The following ZFYVE28 variants were observed in gnomAD, a reference collection of about 807,000 sequenced individuals.
ZFYVE28 encodes the protein lateral signaling target protein 2 homolog.
A neutral mutation model predicts 82.1 loss-of-function variants in ZFYVE28; 40 were observed. The observed-to-expected ratio is 0.49, with a 90% CI of 0.38 to 0.63. The LOEUF is 0.63. Ranked by LOEUF, ZFYVE28 falls within the 30% of genes least tolerant of loss-of-function variation. The pLI, the probability that ZFYVE28 is intolerant of heterozygous loss-of-function variation, is 0.00. For synonymous variants in ZFYVE28, 612 were observed against 546.1 expected (o/e 1.12, Z -1.68); for missense variants, 1,321 against 1,242.1 (o/e 1.06, Z -0.96).
intron 1 of ZFYVE28, among the ~76,000 whole-genome samples, chr4:2,406,062 A>AAAAAAAG (rs1553867781): frequency 8.0e-6 from 1 of 125,072 alleles, no homozygotes; most frequent in Non-Finnish European, 1.6e-5. Context: ...AAAAAAAAAA[A>AAAAAAAG]AAAGAAAGAA....
At chr4:2,364,348 G>C in intron 1 of ZFYVE28, 1 of 709,884 alleles carries the variant, frequency 1.4e-6, no homozygotes, top group Non-Finnish European at 1.7e-6. Context: ...GGAACCACAG[G>C]TGTTGTGGGG....
At chr4:2,330,008 G>C (rs891568314) in intron 6 of ZFYVE28, among the ~76,000 whole-genome samples, 2 of 152,148 alleles carry the variant, frequency 1.3e-5, no homozygotes, top group Non-Finnish European at 2.9e-5. Context: ...TAGTCTAGTG[G>C]GGGAGACACA....
Position 2,335,888 on chromosome 4 carries a change from T to A in ZFYVE28, c.612-94A>T. ...AGGGACAGGCAGTGCGCTCAATCTG[T>A]ACCTGCAGCCACGCGTGGTGGCCAC... On this transcript the variant is annotated intron_variant, in intron 5 of 12. Coordinates refer to ENST00000290974, the MANE Select transcript of ZFYVE28 (RefSeq NM_020972.3). The surrounding 1 kb of genome is among the most constrained non-coding windows in gnomAD (Gnocchi z 5.8). 9.6e-7 allele frequency: 1 copy of A among 1,040,528 alleles called. No homozygotes were observed. Among genetic ancestry groups the A allele is most frequent in the Non-Finnish European group, 1.4e-6 (1 of 692,084 alleles). The allele number at this position is 1,040,528 out of a possible 1,614,324, so 64.5% of individuals were successfully genotyped here.
intron 9 of ZFYVE28, 111 bp from the exon 10 acceptor site, chr4:2,273,400 G>T: frequency 1.1e-6 from 1 of 909,538 alleles, no homozygotes; most frequent in Non-Finnish European, 1.7e-6. Flanking sequence ...CCAGGCCAGC[G>T]TGTTCTCAGA....
chr4:2,271,724 G>A lies in ZFYVE28; in HGVS notation c.2379C>T (p.Thr793=), dbSNP rs1363745456. The change falls in exon 11 of 13, where the codon ACC becomes ACT. Residue 793 remains threonine, a synonymous_variant. Transcript: ENST00000290974. ...TGGCTGCCAGTTCAGAGGATGACAG[G>A]GTCTCCTGGCACAGTGCACAGTCCT... is the stretch of plus-strand genomic sequence containing the variant. ...ALEDCALCQE[T]LSSSELAAKT... 1.9e-6 allele frequency: 3 copies of A among 1,613,818 alleles called. No individual in the cohort carries two copies. Among genetic ancestry groups the A allele is most frequent in the Non-Finnish European group, 2.5e-6 (3 of 1,180,012 alleles).
rs1429286213 is a variant in ZFYVE28, at chr4:2,413,827, T to C, written c.39+4458A>G. ...CGCAAAGCAGGGAAGTCAAGGCACA[T>C]GCCAGTGACTGCCCTCTCATAGGCC... On this transcript the variant is annotated intron_variant, in intron 1 of 12. Transcript: ENST00000290974. Among the ~76,000 whole-genome samples the C allele has an allele frequency of 2.6e-5, 4 of 152,074 alleles. No homozygotes were observed. The East Asian group carries it at 7.7e-4, about 29-fold the overall frequency.
At chr4:2,336,253 G>C (rs1288694220) in intron 5 of ZFYVE28, among the ~76,000 whole-genome samples, 1 of 152,224 alleles carries the variant, frequency 6.6e-6, no homozygotes, top group Non-Finnish European at 1.5e-5. Flanking sequence ...CCCGGGGCTT[G>C]TGGAGGGCTT....
chr4:2,395,741 C>T (rs545843047), intron 1 of ZFYVE28, among the ~76,000 whole-genome samples: 11 of 152,218 alleles, frequency 7.2e-5, no homozygotes, highest in East Asian at 5.8e-4. Context: ...GGACCCAACA[C>T]GCCAGGGACA....
rs1176444008 is a variant in ZFYVE28 at position 2,416,290 on chromosome 4, T to A, written c.39+1995A>T. Among the ~76,000 whole-genome samples the A allele has an allele frequency of 6.6e-6, 1 of 152,206 alleles. No individual in the cohort carries two copies. The highest frequency in any genetic ancestry group is 2.4e-5 in the African/African-American group (1 of 41,448). The stretch of plus-strand genomic sequence containing the variant: ...ACTCAGCTACTCATGAAACAGAGTC[T>A]ACAATTATTTTTCCTTCCTTTTCAA... On this transcript the variant is annotated intron_variant, in intron 1 of 12. Transcript: ENST00000290974. This position sits in a 1 kb window ranked among gnomAD's most constrained non-coding sequence, Gnocchi z 4.6.
chr4:2,417,193 G>A lies in ZFYVE28; in HGVS notation c.39+1092C>T, dbSNP rs900749139. On this transcript the variant is annotated intron_variant, in intron 1 of 12. Coordinates refer to ENST00000290974, the MANE Select transcript of ZFYVE28 (RefSeq NM_020972.3). This position sits in a 1 kb window ranked among gnomAD's most constrained non-coding sequence, Gnocchi z 4.8. ...GGCCCCACTCCCGCCCTTGGTCGCC[G>A]CGGTGACCCCACCCGAGCCGTGACC... 6.6e-6 allele frequency among the ~76,000 whole-genome samples: 1 copy of A among 152,106 alleles called. No homozygotes were observed. The highest frequency in any genetic ancestry group is 1.5e-5 in the Non-Finnish European group (1 of 67,968).
chr4:2,394,161 G>A lies in ZFYVE28; in HGVS notation c.39+24124C>T, dbSNP rs1404040685. 6.6e-6 allele frequency among the ~76,000 whole-genome samples: 1 copy of A among 152,166 alleles called. No homozygotes were observed. The highest frequency in any genetic ancestry group is 1.5e-5 in the Non-Finnish European group (1 of 68,022). On this transcript the variant is annotated intron_variant, in intron 1 of 12. Transcript: ENST00000290974. The surrounding 1 kb of genome is among the most constrained non-coding windows in gnomAD (Gnocchi z 4.0). ...CCCTTCTCCACTACTGAGGACTCCT[G>A]TGGTTCCACTGGGGCCACCGACATA...
intron 1 of ZFYVE28, among the ~76,000 whole-genome samples, chr4:2,411,593 C>T (rs181495523): frequency 5.3e-5 from 8 of 152,324 alleles, no homozygotes; most frequent in East Asian, 1.9e-4. Flanking sequence ...CTTTGCCTGA[C>T]GCATACGGGT....
chr4:2,373,691 C>T (rs750750781), intron 1 of ZFYVE28, among the ~76,000 whole-genome samples: 8 of 152,110 alleles, frequency 5.3e-5, no homozygotes, highest in Admixed American at 1.3e-4. Flanking sequence ...AACATGCACT[C>T]GTATGCCCTG....
intron 8 of ZFYVE28, among the ~76,000 whole-genome samples, chr4:2,282,114 TCAA>T (rs1258175904): frequency 1.3e-5 from 2 of 152,214 alleles, no homozygotes; most frequent in Non-Finnish European, 2.9e-5. Context: ...AGTCAGTGGA[TCAA>T]CGTCACTTCA....
At chr4:2,309,548 T>C (rs1717185115) in intron 7 of ZFYVE28, among the ~76,000 whole-genome samples, 2 of 152,238 alleles carry the variant, frequency 1.3e-5, no homozygotes, top group South Asian at 4.1e-4. Context: ...GCTCCTGAGT[T>C]TCCTAGGTAC....
intron 8 of ZFYVE28, chr4:2,286,938 C>T (rs777644473): frequency 5.3e-5 from 8 of 152,198 alleles, no homozygotes; most frequent in Admixed American, 2.6e-4. Flanking sequence ...CCATCCTGGA[C>T]TATCTGGATG....
intron 1 of ZFYVE28, among the ~76,000 whole-genome samples, chr4:2,391,131 C>T (rs571599075): frequency 2.0e-5 from 3 of 152,366 alleles, no homozygotes; most frequent in Admixed American, 6.5e-5. Context: ...CCGTGCCCGC[C>T]GCAGCCCTCC....
At chr4:2,317,706 C>T (rs1169428378) in intron 7 of ZFYVE28, among the ~76,000 whole-genome samples, 1 of 152,132 alleles carries the variant, frequency 6.6e-6, no homozygotes, top group East Asian at 1.9e-4. Context: ...AATCTCAGCT[C>T]ACTGCAAATT....
intron 1 of ZFYVE28, among the ~76,000 whole-genome samples, chr4:2,365,375 C>A (rs1266973497): frequency 6.6e-6 from 1 of 151,662 alleles, no homozygotes; most frequent in African/African-American, 2.4e-5. Context: ...GTGTCCCCCC[C>A]AACTACCTGC....
Sources: allele counts gnomAD v4.1 joint callset (sites outside exome capture counted in the v4.1 genomes callset), GRCh38; gene constraint gnomAD v4.1.1; non-coding constraint Gnocchi (gnomAD v3.1); transcripts MANE v1.5; gene names NCBI Gene and HGNC (gene_info 2026-07-23, HGNC 2026-07-21).